Variants in ADH4 observed in about 807,000 individuals in gnomAD.
The protein encoded by ADH4 is all-trans-retinol dehydrogenase [NAD(+)] ADH4.
Under a neutral mutation model 35.2 loss-of-function variants are expected in ADH4, and 31 were observed. That is an observed-to-expected ratio of 0.88 (90% CI 0.66 to 1.19). The LOEUF (loss-of-function observed/expected upper bound fraction) is 1.19, where lower values mean the gene tolerates loss of function less well. Ranked by LOEUF, ADH4 falls within the 50% of genes most tolerant of loss-of-function variation. ADH4 has a pLI of 0.00. For missense variants in ADH4, 476 were observed against 458.3 expected (o/e 1.04, Z -0.35); for synonymous variants, 171 against 160.2 (o/e 1.07, Z -0.51).
At chr4:99,141,132 A>T (rs1274077039) in intron 3 of ADH4, among the ~76,000 whole-genome samples, 1 of 152,178 alleles carries the variant, frequency 6.6e-6, no homozygotes, top group Non-Finnish European at 1.5e-5. Context: ...ATAAGTAAGA[A>T]CATTCAGTAT....
chr4:99,141,054 A>G (rs1471436649), intron 3 of ADH4, among the ~76,000 whole-genome samples: 2 of 152,132 alleles, frequency 1.3e-5, no homozygotes, highest in African/African-American at 4.8e-5. Context: ...TTCATCCTTA[A>G]GTAGGACCCA....
rs1425205844 is a variant in ADH4, at chr4:99,142,705, G to C, written c.94C>G (p.Pro32Ala). The change falls in exon 2 of 9, where the codon CCC becomes GCC. Residue 32 changes from proline to alanine, a missense_variant. Transcript: ENST00000265512. ...TGAATGCGAACTTCATGAGCCTTGG[G>C]GGGAGCTACTTCAACCTCTTCAATG... is the stretch of plus-strand genomic sequence containing the variant. The part of the protein sequence containing the change: ...LCIEEVEVAP[P>A]KAHEVRIQII... 6 of 1,600,714 alleles carry C rather than the reference G, an allele frequency of 3.7e-6. No individual in the cohort carries two copies. Among genetic ancestry groups the C allele is most frequent in the Admixed American group, 3.5e-5 (2 of 57,306 alleles).
At chr4:99,134,759 G>T (rs900828567) in intron 5 of ADH4, among the ~76,000 whole-genome samples, 3 of 151,428 alleles carry the variant, frequency 2.0e-5, no homozygotes, top group Non-Finnish European at 4.4e-5. Flanking sequence ...ATAACATGTT[G>T]ATAGCAAAGG....
At chr4:99,141,458 A>AT in intron 3 of ADH4, 83 bp downstream of exon 3, 1 of 1,360,820 alleles carries the variant, frequency 7.3e-7, no homozygotes, top group Non-Finnish European at 9.9e-7. Flanking sequence ...GAGATCAATT[A>AT]TAGCATGCCA....
chr4:99,144,156 A>G (rs754186731), intron 1 of ADH4, 49 bp downstream of exon 1: 1 of 1,606,602 alleles, frequency 6.2e-7, no homozygotes. Flanking sequence ...CAAACATACA[A>G]GGACACAGAA....
At chr4:99,137,517 C>T (rs1411204814) in intron 4 of ADH4, among the ~76,000 whole-genome samples, 1 of 152,176 alleles carries the variant, frequency 6.6e-6, no homozygotes, top group Non-Finnish European at 1.5e-5. Context: ...CAGCTTTGGC[C>T]TCCCAATGTG....
chr4:99,135,095 A>C (rs1447455767), intron 5 of ADH4, among the ~76,000 whole-genome samples: 1 of 152,152 alleles, frequency 6.6e-6, no homozygotes, highest in East Asian at 1.9e-4. Flanking sequence ...ATAGTACAAT[A>C]GGACAAAAAA....
Position 99,124,379 on chromosome 4 carries a change from T to A in ADH4, c.*63A>T, listed in dbSNP as rs1729012868. ...GCTTTCCTTGGTTCATCAAATCAGGTAATAAATTAACCAGGCAGGTTCACA... is the reference window on the plus strand; with the variant it reads ...GCTTTCCTTGGTTCATCAAATCAGGAAATAAATTAACCAGGCAGGTTCACA... On this transcript the variant is annotated 3_prime_UTR_variant, in exon 9 of 9. Transcript: ENST00000265512. The A allele has an allele frequency of 5.2e-6, 6 of 1,153,510 alleles. No homozygotes were observed. Among genetic ancestry groups the A allele is most frequent in the Non-Finnish European group, 7.6e-6 (6 of 787,636 alleles). The allele number at this position is 1,153,510 out of a possible 1,614,324, so 71.5% of individuals were successfully genotyped here. A position where few individuals can be genotyped will look rare whatever the true frequency, so the allele number is the denominator to read the frequency against.
intron 3 of ADH4, among the ~76,000 whole-genome samples, chr4:99,140,213 G>C (rs1729567654): frequency 6.6e-6 from 1 of 152,126 alleles, no homozygotes. Context: ...TCTTTACATA[G>C]TTTGCTGTTA....
At chr4:99,138,209 C>G (rs1254396949) in intron 4 of ADH4, among the ~76,000 whole-genome samples, 1 of 152,052 alleles carries the variant, frequency 6.6e-6, no homozygotes, top group African/African-American at 2.4e-5. Flanking sequence ...TTGGTATTGC[C>G]TAAATCCATT....
chr4:99,137,271 G>A (rs1729471385), intron 4 of ADH4, among the ~76,000 whole-genome samples: 3 of 152,092 alleles, frequency 2.0e-5, no homozygotes, highest in Admixed American at 1.3e-4. Flanking sequence ...GGGACTACAG[G>A]CACGCACCAC....
chr4:99,126,685 T>C lies in ADH4; in HGVS notation c.1027A>G (p.Asn343Asp). ...SIPKLVTDYK[N>D]KKFNLDALVT... ...AGTGCATCCAGATTGAATTTCTTATTCTTATAGTCAGTGACCAGCTTTGGG... is the reference window on the plus strand; with the variant it reads ...AGTGCATCCAGATTGAATTTCTTATCCTTATAGTCAGTGACCAGCTTTGGG... The change falls in exon 8 of 9, where the codon AAT becomes GAT. Residue 343 changes from asparagine (N) to aspartate (D), a missense_variant. By Grantham distance (23) the Asn-to-Asp change is conservative (BLOSUM62 1). Transcript: ENST00000265512. 6.2e-7 allele frequency: 1 copy of C among 1,612,016 alleles called. No homozygotes were observed. Among genetic ancestry groups the C allele is most frequent in the South Asian group, 1.1e-5 (1 of 90,870 alleles).
Position 99,141,660 on chromosome 4 carries a change from T to C in ADH4, c.143A>G (p.His48Arg). Residue 48 changes from histidine to arginine, a missense_variant, in exon 3 of 9, where the codon CAT becomes CGT. His to Arg is a conservative substitution (Grantham distance 29). Coordinates refer to ENST00000265512, the MANE Select transcript of ADH4 (RefSeq NM_000670.5). ...AGAATCGATAACAGTGGCATCAGTA[T>C]GGCACAGAGAGGTAGCAATGATCTA... ...RIQIIATSLC[H>R]TDATVIDSKF... 6.2e-7 allele frequency: 1 copy of C among 1,613,948 alleles called. No individual in the cohort carries two copies. The highest frequency in any genetic ancestry group is 1.1e-5 in the South Asian group (1 of 91,066).
intron 8 of ADH4, among the ~76,000 whole-genome samples, chr4:99,125,422 G>A (rs1729056550): frequency 6.6e-6 from 1 of 152,166 alleles, no homozygotes; most frequent in South Asian, 2.1e-4. Flanking sequence ...TTTCCACCTG[G>A]CTGCCACTTA....
chr4:99,134,779 T>G (rs1364420598), intron 5 of ADH4, among the ~76,000 whole-genome samples: 1 of 151,524 alleles, frequency 6.6e-6, no homozygotes, highest in African/African-American at 2.4e-5. Context: ...GGTAGCATTT[T>G]TGTCTATGTG....
At chr4:99,139,031 A>T (rs532672448) in intron 4 of ADH4, 30 bp downstream of exon 4, 2 of 1,522,402 alleles carry the variant, frequency 1.3e-6, no homozygotes, top group Non-Finnish European at 1.8e-6. Flanking sequence ...ATTCAAATTT[A>T]TACTAATACT....
chr4:99,131,799 G>T lies in ADH4; in HGVS notation c.583-35C>A, dbSNP rs767001609. On this transcript the variant is annotated intron_variant, in intron 5 of 8. Coordinates refer to ENST00000265512, the MANE Select transcript of ADH4 (RefSeq NM_000670.5). ...GGAAAATTATAAAGTAACTTCTAAAGCAGCCAGTCCCACTTTTTTTCTTTT... is the reference window on the plus strand; with the variant it reads ...GGAAAATTATAAAGTAACTTCTAAATCAGCCAGTCCCACTTTTTTTCTTTT... 4 of 1,591,580 alleles carry T rather than the reference G, an allele frequency of 2.5e-6. No homozygotes were observed. In the East Asian group the frequency reaches 8.9e-5, roughly 36 times the overall value.
rs567314380 is a variant in ADH4, at chr4:99,136,592, G to A, written c.456C>T (p.Phe152=). The change falls in exon 5 of 9, where the codon TTC becomes TTT. Residue 152 remains phenylalanine, a synonymous_variant. Transcript: ENST00000265512. ...TATCTGACACCACAGTGTACTGAGA[G>A]AATGTACTGGTTCCAAAGAAATGGT... The part of the protein sequence containing the change: ...PVYHFFGTST[F]SQYTVVSDIN... The A allele has an allele frequency of 3.1e-6, 5 of 1,614,056 alleles. No individual in the cohort carries two copies. In the East Asian group the frequency reaches 8.9e-5, roughly 29 times the overall value.
intron 3 of ADH4, among the ~76,000 whole-genome samples, chr4:99,140,231 AAT>A (rs1362914228): frequency 2.6e-5 from 4 of 152,192 alleles, no homozygotes; most frequent in African/African-American, 9.6e-5. Context: ...TTAATATTAA[AAT>A]AGTTTGCTTT....
Sources: allele counts gnomAD v4.1 joint callset (sites outside exome capture counted in the v4.1 genomes callset), GRCh38; gene constraint gnomAD v4.1.1; transcripts MANE v1.5; gene names NCBI Gene and HGNC (gene_info 2026-07-23, HGNC 2026-07-21).